The following SVIL variants were observed in gnomAD, a reference collection of about 807,000 sequenced individuals.
The protein encoded by SVIL is archvillin.
Under a neutral mutation model 240.4 loss-of-function variants are expected in SVIL, and 101 were observed. The observed-to-expected ratio is 0.42, with a 90% CI of 0.36 to 0.50. The LOEUF (loss-of-function observed/expected upper bound fraction) is 0.50, where lower values mean the gene tolerates loss of function less well. Among genes scored for constraint, SVIL ranks in the 20% least tolerant of loss-of-function variants. The pLI, the probability that SVIL is intolerant of heterozygous loss-of-function variation, is 0.01. For missense variants in SVIL, 2,512 were observed against 2,818.7 expected (o/e 0.89, Z 2.46); for synonymous variants, 999 against 1,100.0 (o/e 0.91, Z 1.82).
At chr10:29,515,066 T>C (rs929836959) in intron 16 of SVIL, among the ~76,000 whole-genome samples, 3 of 152,128 alleles carry the variant, frequency 2.0e-5, no homozygotes, top group Admixed American at 6.5e-5. Flanking sequence ...CCTTCCTCAA[T>C]CTCTTCCTTC....
rs1488044980 is a variant in SVIL, at chr10:29,705,359, A to C, written c.-399-18708T>G. On this transcript the variant is annotated intron_variant, in intron 1 of 35. Coordinates refer to the SVIL transcript ENST00000375400. ...ACGGCAAAGATTCTGTAGATGTGAT[A>C]AATTGAAGGATCTTGAGATGAGGAA... is the stretch of plus-strand genomic sequence containing the variant. 2.0e-5 allele frequency among the ~76,000 whole-genome samples: 3 copies of C among 152,296 alleles called. No individual in the cohort carries two copies. The East Asian group carries it at 5.8e-4, about 29-fold the overall frequency.
chr10:29,667,455 T>C (rs1025935440), intron 2 of SVIL, among the ~76,000 whole-genome samples: 1 of 152,174 alleles, frequency 6.6e-6, no homozygotes, highest in Non-Finnish European at 1.5e-5. Context: ...ATTTGGGGGC[T>C]GAGTGTGGGA....
chr10:29,640,209 A>T (rs1182588982), intron 3 of SVIL, among the ~76,000 whole-genome samples: 3 of 152,148 alleles, frequency 2.0e-5, no homozygotes, highest in Non-Finnish European at 4.4e-5. Flanking sequence ...CCTACAACCC[A>T]GAAACTGCTC....
chr10:29,463,800 A>G (rs1198965923), intron 34 of SVIL, among the ~76,000 whole-genome samples, 165 bp from the exon 35 acceptor site: 1 of 152,202 alleles, frequency 6.6e-6, no homozygotes, highest in African/African-American at 2.4e-5. Context: ...AGAGAAACCC[A>G]GGATACCCCA....
Position 29,554,791 on chromosome 10 carries a change from G to C in SVIL, c.152C>G (p.Pro51Arg), listed in dbSNP as rs774169579. 3 of 1,598,486 alleles carry C rather than the reference G, an allele frequency of 1.9e-6. No individual in the cohort carries two copies. Among genetic ancestry groups the C allele is most frequent in the Admixed American group, 3.5e-5 (2 of 57,326 alleles). ...CCCAGCTCCACGCTCACCGATGTGG[G>C]GGCTGGCAGGGTCGCTGGCTCTCAT... ...RYMRASDPAS[P>R]HIGRSNEEEE... Residue 51 changes from proline (P) to arginine (R), a missense_variant, in exon 5 of 38, where the codon CCC (proline) becomes CGC (arginine). By Grantham distance (103) the Pro-to-Arg change is moderately radical (BLOSUM62 -2). Coordinates refer to ENST00000355867, the MANE Select transcript of SVIL (RefSeq NM_021738.3).
At chr10:29,527,368 A>G (rs1187900532) in intron 12 of SVIL, among the ~76,000 whole-genome samples, 2 of 152,224 alleles carry the variant, frequency 1.3e-5, no homozygotes, top group African/African-American at 4.8e-5. Flanking sequence ...AATATTAGCT[A>G]TCAAAAAATC....
chr10:29,656,134 G>T (rs1348505636), intron 3 of SVIL, among the ~76,000 whole-genome samples: 5 of 151,166 alleles, frequency 3.3e-5, no homozygotes, highest in Non-Finnish European at 5.9e-5. Context: ...CTCCCAAAGT[G>T]CTGGTATTAC....
At chr10:29,729,252 G>A (rs1340180138) in intron 1 of SVIL, among the ~76,000 whole-genome samples, 1 of 152,120 alleles carries the variant, frequency 6.6e-6, no homozygotes, top group Non-Finnish European at 1.5e-5. Flanking sequence ...CAGTACCCCT[G>A]TGGAAAAAGA....
chr10:29,519,830 A>G (rs957966157), intron 16 of SVIL, among the ~76,000 whole-genome samples: 3 of 152,212 alleles, frequency 2.0e-5, no homozygotes, highest in Non-Finnish European at 4.4e-5. Flanking sequence ...AGACCATGAT[A>G]AGTTATGGCT....
chr10:29,622,264 A>AG (rs1444945920), intron 1 of SVIL, among the ~76,000 whole-genome samples: 1 of 150,232 alleles, frequency 6.7e-6, no homozygotes, highest in East Asian at 2.0e-4. Flanking sequence ...AAAAAAAAAA[A>AG]AAAAAAAAAA....
chr10:29,619,030 C>T (rs570532430), intron 1 of SVIL, among the ~76,000 whole-genome samples: 3 of 152,314 alleles, frequency 2.0e-5, no homozygotes, highest in South Asian at 2.1e-4. Context: ...CAGTAACAAT[C>T]GAACCCCTGA....
chr10:29,605,571 T>C (rs150702342), intron 1 of SVIL, among the ~76,000 whole-genome samples: 379 of 152,162 alleles, frequency 2.5e-3, no homozygotes, highest in Non-Finnish European at 4.0e-3. Flanking sequence ...TTTTAACTTT[T>C]TAAAAGGATT....
At chr10:29,616,930 C>A (rs1176100230) in intron 1 of SVIL, among the ~76,000 whole-genome samples, 1 of 152,138 alleles carries the variant, frequency 6.6e-6, no homozygotes, top group Admixed American at 6.5e-5. Flanking sequence ...GCCATGTTGG[C>A]CAAGCTAGTC....
At chr10:29,547,769 T>C (rs891979557) in intron 6 of SVIL, among the ~76,000 whole-genome samples, 5 of 152,248 alleles carry the variant, frequency 3.3e-5, no homozygotes, top group Non-Finnish European at 7.3e-5. Context: ...TCAGATACCG[T>C]GATAACGACT....
intron 2 of SVIL, among the ~76,000 whole-genome samples, chr10:29,669,882 G>A (rs1959633274): frequency 6.6e-6 from 1 of 152,186 alleles, no homozygotes; most frequent in Non-Finnish European, 1.5e-5. Flanking sequence ...GGGAGGCTGA[G>A]ATGAGAGGAT....
In SVIL at chr10:29,457,553, C is replaced by T. The variant is rs1334584303; in HGVS notation, c.*694G>A. On this transcript the variant is annotated 3_prime_UTR_variant, in exon 38 of 38. Transcript: ENST00000355867. ...ATATAAACTGTACATAAAAACAAGG[C>T]ACTATACATTTTTGGGGAGATATTA... The T allele has an allele frequency of 6.6e-6, 1 of 152,514 alleles. No homozygotes were observed. The highest frequency in any genetic ancestry group is 1.5e-5 in the Non-Finnish European group (1 of 68,034). 9.4% of individuals were successfully genotyped at this position (152,514 alleles called of 1,614,324 possible).
upstream of SVIL, among the ~76,000 whole-genome samples, chr10:29,637,572 G>A (rs1958353213): frequency 6.6e-6 from 1 of 152,202 alleles, no homozygotes; most frequent in South Asian, 2.1e-4. Flanking sequence ...AGACAACACA[G>A]CATTGGCAAA....
intron 1 of SVIL, among the ~76,000 whole-genome samples, chr10:29,725,528 C>T (rs1045471510): frequency 6.6e-6 from 1 of 152,158 alleles, no homozygotes; most frequent in Non-Finnish European, 1.5e-5. Flanking sequence ...GGCAGGCTTC[C>T]CCTCCACGAG....
chr10:29,633,328 C>T (rs1032092999), intron 1 of SVIL, among the ~76,000 whole-genome samples: 1 of 151,470 alleles, frequency 6.6e-6, no homozygotes. Flanking sequence ...TCTTTGGAGA[C>T]AGAGGGTACA....
Sources: allele counts gnomAD v4.1 joint callset (sites outside exome capture counted in the v4.1 genomes callset), GRCh38; gene constraint gnomAD v4.1.1; transcripts MANE v1.5; gene names NCBI Gene and HGNC (gene_info 2026-07-23, HGNC 2026-07-21).